ADAM11: variants seen among roughly 807,000 people sequenced by gnomAD.
The protein encoded by ADAM11 is disintegrin and metalloproteinase domain-containing protein 11.
In ADAM11, 49 loss-of-function variants were observed where a neutral mutation model predicts 119.1. The observed-to-expected ratio is 0.41, with a 90% CI of 0.33 to 0.52. The LOEUF is 0.52. Ranked by LOEUF, ADAM11 falls within the 20% of genes least tolerant of loss-of-function variation. The pLI is 0.20. For missense variants in ADAM11, 777 were observed against 1,047.5 expected (o/e 0.74, Z 3.56); for synonymous variants, 364 against 408.0 (o/e 0.89, Z 1.30).
chr17:44,768,977 C>G (rs1326500948), intron 2 of ADAM11, among the ~76,000 whole-genome samples: 1 of 152,228 alleles, frequency 6.6e-6, no homozygotes, highest in African/African-American at 2.4e-5. Context: ...CCATCTTGCT[C>G]TGGCGTGGTG....
chr17:44,777,399 G>A lies in ADAM11; in HGVS notation c.1782-83G>A, dbSNP rs1213823221. On this transcript the variant is annotated intron_variant, in intron 21 of 26. Transcript: ENST00000200557. The surrounding 1 kb of genome is among the most constrained non-coding windows in gnomAD (Gnocchi z 5.1). ...GGGCACGTGGCAAATGAGGTGGCAG[G>A]GTGCAGGGTGAGGGCAGATTAGAGT... The A allele has an allele frequency of 1.3e-6, 2 of 1,541,808 alleles. No homozygotes were observed. The highest frequency in any genetic ancestry group is 1.4e-5 in the African/African-American group (1 of 73,638).
In ADAM11 at chr17:44,772,201, C is replaced by T. The variant is rs368363653; in HGVS notation, c.544-66C>T. ...GGGTGGAGGCGAGGGCTGGATCTGG[C>T]CCCCGCCAAGTGGGCCTGGAGCAGG... is the stretch of plus-strand genomic sequence containing the variant. On this transcript the variant is annotated intron_variant, in intron 6 of 26. Coordinates refer to ENST00000200557, the MANE Select transcript of ADAM11 (RefSeq NM_002390.6). This position sits in a 1 kb window ranked among gnomAD's most constrained non-coding sequence, Gnocchi z 4.5. 2.0e-4 allele frequency: 293 copies of T among 1,465,692 alleles called. No individual in the cohort carries two copies. Among genetic ancestry groups the T allele is most frequent in the Non-Finnish European group, 2.6e-4 (281 of 1,068,362 alleles). The allele number at this position is 1,465,692 out of a possible 1,614,324, so 90.8% of individuals were successfully genotyped here.
chr17:44,779,384 C>T lies in ADAM11; in HGVS notation c.2294+145C>T, dbSNP rs1400940813. The T allele has an allele frequency of 3.0e-5, 44 of 1,456,598 alleles. 1 individual carries two copies. In the South Asian group the frequency reaches 6.0e-4, roughly 20 times the overall value. 90.2% of individuals were successfully genotyped at this position (1,456,598 alleles called of 1,614,324 possible). A position where few individuals can be genotyped will look rare whatever the true frequency, so the allele number is the denominator to read the frequency against. Reference sequence around the variant, plus strand: ...CCCCCACCCCTGCTGCCAGGCTGTCCCGGCAGGGGTGGGAGAGCCTCGCTC... The same window carrying T: ...CCCCCACCCCTGCTGCCAGGCTGTCTCGGCAGGGGTGGGAGAGCCTCGCTC... On this transcript the variant is annotated intron_variant, in intron 26 of 26. Coordinates refer to ENST00000200557, the MANE Select transcript of ADAM11 (RefSeq NM_002390.6).
At chr17:44,774,427 C>A (rs1274162998) in intron 12 of ADAM11, 48 bp downstream of exon 12, 19 of 1,572,068 alleles carry the variant, frequency 1.2e-5, no homozygotes, top group Non-Finnish European at 1.6e-5. Context: ...GGGAAAGGGG[C>A]TTCAGGGGCA....
Position 44,777,428 on chromosome 17 carries a change from G to A in ADAM11, c.1782-54G>A. On this transcript the variant is annotated intron_variant, in intron 21 of 26. Transcript: ENST00000200557. The surrounding 1 kb of genome is among the most constrained non-coding windows in gnomAD (Gnocchi z 5.1). ...CAGGGTGAGGGCAGATTAGAGTTCA[G>A]TAGTTGAGTCTGAGGTCAAACTTGG... 6.3e-7 allele frequency: 1 copy of A among 1,590,182 alleles called. No homozygotes were observed.
At chr17:44,774,074 A>G (rs928740516) in intron 11 of ADAM11, among the ~76,000 whole-genome samples, 4 of 151,284 alleles carry the variant, frequency 2.6e-5, no homozygotes, top group Non-Finnish European at 5.9e-5. Context: ...CTGGACCACA[A>G]GAGTGAAACT....
rs889269164 is a variant in ADAM11, at chr17:44,771,117, A to AAAAT, written c.382-449_382-446dup. Among the ~76,000 whole-genome samples, 10 of 152,108 alleles carry AAAAT rather than the reference A, an allele frequency of 6.6e-5. No homozygotes were observed. In the East Asian group the frequency reaches 7.7e-4, roughly 12 times the overall value. On this transcript the variant is annotated intron_variant, in intron 4 of 26. Coordinates refer to ENST00000200557, the MANE Select transcript of ADAM11 (RefSeq NM_002390.6). ...CAACAAGAGCGAAACTCCGTCTCAAAAAATAAATAAATAAATAAATACAAA... is the reference window on the plus strand; with the variant it reads ...CAACAAGAGCGAAACTCCGTCTCAAAAAATAAATAAATAAATAAATAAATACAAA...
chr17:44,768,749 C>A (rs528255168), intron 2 of ADAM11, among the ~76,000 whole-genome samples: 1 of 152,204 alleles, frequency 6.6e-6, no homozygotes, highest in Non-Finnish European at 1.5e-5. Flanking sequence ...TCTCTTCCTT[C>A]CTGCAACCTG....
In ADAM11 at chr17:44,768,737, G is replaced by T. The variant is rs148784849; in HGVS notation, c.238-981G>T. On this transcript the variant is annotated intron_variant, in intron 2 of 26. Transcript: ENST00000200557. Reference sequence around the variant, plus strand: ...TGGATTTCATGACCACAACCTTGGGGCTCTCTTCCTTCCTGCAACCTGCCG... The same window carrying T: ...TGGATTTCATGACCACAACCTTGGGTCTCTCTTCCTTCCTGCAACCTGCCG... Among the ~76,000 whole-genome samples, 17 of 152,344 alleles carry T rather than the reference G, an allele frequency of 1.1e-4. No individual in the cohort carries two copies. The South Asian group carries it at 1.7e-3, about 15-fold the overall frequency.
chr17:44,772,338 G>C lies in ADAM11; in HGVS notation c.610+5G>C, dbSNP rs1342889691. ...CCCTCGGATGCAGGGAACCAGGTAA[G>C]GGAGGGAAGGGGGGGTGGGGAGGGG... On this transcript the variant is annotated splice_donor_5th_base_variant and intron_variant, in intron 7 of 26. Transcript: ENST00000200557. This position sits in a 1 kb window ranked among gnomAD's most constrained non-coding sequence, Gnocchi z 4.5. 6 of 1,593,126 alleles carry C rather than the reference G, an allele frequency of 3.8e-6. No individual in the cohort carries two copies. The highest frequency in any genetic ancestry group is 5.1e-6 in the Non-Finnish European group (6 of 1,168,582).
chr17:44,763,841 C>G (rs1465528563), intron 2 of ADAM11, among the ~76,000 whole-genome samples: 1 of 151,960 alleles, frequency 6.6e-6, no homozygotes, highest in African/African-American at 2.4e-5. Context: ...CTCAGCCTCC[C>G]GAGTAGCTGG....
intron 2 of ADAM11, 59 bp from the exon 3 acceptor site, chr17:44,769,659 C>A: frequency 8.1e-7 from 1 of 1,240,040 alleles, no homozygotes; most frequent in Non-Finnish European, 1.2e-6. Flanking sequence ...CGGGATCCCC[C>A]CGACTCCCAC....
In ADAM11 at chr17:44,777,953, T is replaced by TGAAGGGAATTG; in HGVS notation, c.2072_2073insGAAGGGAATTG (p.Cys692LysfsTer224). On this transcript the variant is annotated frameshift_variant and splice_region_variant, in exon 24 of 27. Transcript: ENST00000200557. LOFTEE classifies it high-confidence loss of function. The surrounding 1 kb of genome is among the most constrained non-coding windows in gnomAD (Gnocchi z 5.1). ...CTCCTGGCCCTGCCCTGCCTCTAGG[T>TGAAGGGAATTG]CTGCAGCAATGAAGGGAAGTGCATC... The TGAAGGGAATTG allele has an allele frequency of 6.2e-7, 1 of 1,613,934 alleles. No individual in the cohort carries two copies. The highest frequency in any genetic ancestry group is 1.1e-5 in the South Asian group (1 of 91,046).
chr17:44,778,881 T>C (rs1056781048), intron 25 of ADAM11, among the ~76,000 whole-genome samples: 1 of 152,052 alleles, frequency 6.6e-6, no homozygotes, highest in African/African-American at 2.4e-5. Flanking sequence ...AAGCCAGGCA[T>C]GTGTCCTCCA....
rs928569829 is a variant in ADAM11 at position 44,780,253 on chromosome 17, G to A, written c.*499G>A. On this transcript the variant is annotated 3_prime_UTR_variant, in exon 27 of 27. Transcript: ENST00000200557. ...GGTGCTGGGGCCAGGGCAGATGTGG[G>A]GATGTTTTGACATTTACAGGAGGGC... The A allele has an allele frequency of 7.0e-6, 3 of 429,810 alleles. No individual in the cohort carries two copies. Among genetic ancestry groups the A allele is most frequent in the Middle Eastern group, 4.8e-4 (1 of 2,094 alleles). 26.6% of individuals were successfully genotyped at this position (429,810 alleles called of 1,614,324 possible).
At chr17:44,759,554 C>G in intron 1 of ADAM11, 168 bp from the exon 2 acceptor site, 10 of 1,261,834 alleles carry the variant, frequency 7.9e-6, no homozygotes, top group Non-Finnish European at 1.0e-5. Context: ...GCTCCTGGCC[C>G]CCTCCCCGCG....
At chr17:44,769,608 G>T in intron 2 of ADAM11, 110 bp from the exon 3 acceptor site, 2 of 748,218 alleles carry the variant, frequency 2.7e-6, no homozygotes, top group Non-Finnish European at 4.7e-6. Context: ...CCCCTCAGCT[G>T]CTAGGGCTGG....
In ADAM11 at chr17:44,775,508, G is replaced by A. The variant is rs762410584; in HGVS notation, c.1392+43G>A. ...CGCCAGGTGGGGAACCGGGATGCGG[G>A]GGTGGGCACGAGGGAGCGTCTGAGT... On this transcript the variant is annotated intron_variant, in intron 16 of 26. Coordinates refer to ENST00000200557, the MANE Select transcript of ADAM11 (RefSeq NM_002390.6). The surrounding 1 kb of genome is among the most constrained non-coding windows in gnomAD (Gnocchi z 7.5). 3.8e-6 allele frequency: 6 copies of A among 1,584,816 alleles called. No individual in the cohort carries two copies. The highest frequency in any genetic ancestry group is 1.1e-5 in the South Asian group (1 of 88,918).
Position 44,759,909 on chromosome 17 carries a change from T to C in ADAM11, c.237+12T>C. The stretch of plus-strand genomic sequence containing the variant: ...CACCAGGGGGCCCGGTGAGTGGGGC[T>C]GGGTGGTGAGGCCAGGGGCTGAAGC... On this transcript the variant is annotated intron_variant, in intron 2 of 26. Coordinates refer to ENST00000200557, the MANE Select transcript of ADAM11 (RefSeq NM_002390.6). 1 of 1,281,402 alleles carries C rather than the reference T, an allele frequency of 7.8e-7. No homozygotes were observed. Among genetic ancestry groups the C allele is most frequent in the Non-Finnish European group, 9.9e-7 (1 of 1,007,306 alleles). 79.4% of individuals were successfully genotyped at this position (1,281,402 alleles called of 1,614,324 possible). A position where few individuals can be genotyped will look rare whatever the true frequency, so the allele number is the denominator to read the frequency against.
Sources: allele counts gnomAD v4.1 joint callset (sites outside exome capture counted in the v4.1 genomes callset), GRCh38; gene constraint gnomAD v4.1.1; non-coding constraint Gnocchi (gnomAD v3.1); transcripts MANE v1.5; gene names NCBI Gene and HGNC (gene_info 2026-07-23, HGNC 2026-07-21).